The following AGAP1 variants were observed in gnomAD, a reference collection of about 807,000 sequenced individuals.
The protein encoded by AGAP1 is arf-GAP with GTPase, ANK repeat and PH domain-containing protein 1.
In AGAP1, 29 loss-of-function variants were observed where a neutral mutation model predicts 105.3. The ratio of observed to expected loss-of-function variants is 0.28; its 90% CI spans 0.21 to 0.38. AGAP1 has a LOEUF of 0.38. AGAP1 is among the 10% of genes least tolerant of loss of function. AGAP1 has a pLI of 1.00. For synonymous variants in AGAP1, 509 were observed against 485.9 expected (o/e 1.05, Z -0.63); for missense variants, 998 against 1,165.1 (o/e 0.86, Z 2.09).
Position 236,095,168 on chromosome 2 carries a change from G to A in AGAP1, c.2115-25024G>A, listed in dbSNP as rs1033233799. Among the ~76,000 whole-genome samples the A allele has an allele frequency of 7.3e-5, 11 of 151,534 alleles. No individual in the cohort carries two copies. Among genetic ancestry groups the A allele is most frequent in the African/African-American group, 7.3e-5 (3 of 41,230 alleles). On this transcript the variant is annotated intron_variant, in intron 16 of 17. Transcript: ENST00000304032. The surrounding 1 kb of genome is among the most constrained non-coding windows in gnomAD (Gnocchi z 4.1). ...TTCCAACACTTCGGGAGGCCAAGGCGGGTGGATTGCTTGAGCTCAGGAGTT... is the reference window on the plus strand; with the variant it reads ...TTCCAACACTTCGGGAGGCCAAGGCAGGTGGATTGCTTGAGCTCAGGAGTT...
At position 235,752,746 on chromosome 2, in the gene AGAP1, A is replaced by C. The variant is rs1230186181; in HGVS notation, c.673+2258A>C. On this transcript the variant is annotated intron_variant, in intron 6 of 17. Transcript: ENST00000304032. The surrounding 1 kb of genome is among the most constrained non-coding windows in gnomAD (Gnocchi z 4.3). ...ACATACATGAGTTTTCCATAAATTG[A>C]TGAGTGCTTCTTATAAAAATAATGT... Among the ~76,000 whole-genome samples, 1 of 152,176 alleles carries C rather than the reference A, an allele frequency of 6.6e-6. No homozygotes were observed. Among genetic ancestry groups the C allele is most frequent in the Non-Finnish European group, 1.5e-5 (1 of 68,042 alleles).
chr2:236,126,428 T>C lies in AGAP1; in HGVS notation c.*2306T>C, dbSNP rs948727554. On this transcript the variant is annotated 3_prime_UTR_variant, in exon 18 of 18. Transcript: ENST00000304032. ...TTATTTCATTGTAGTTAATTCCCAC[T>C]ATAGGAATGCTTTATCATAGTGAAG... 6.6e-6 allele frequency: 1 copy of C among 152,218 alleles called. No individual in the cohort carries two copies. The highest frequency in any genetic ancestry group is 2.4e-5 in the African/African-American group (1 of 41,462). 9.4% of individuals were successfully genotyped at this position (152,218 alleles called of 1,614,324 possible). A position where few individuals can be genotyped will look rare whatever the true frequency, so the allele number is the denominator to read the frequency against.
rs866345698 is a variant in AGAP1, at chr2:235,846,180, C to T, written c.1051-37165C>T. Among the ~76,000 whole-genome samples, 28 of 152,196 alleles carry T rather than the reference C, an allele frequency of 1.8e-4. No individual in the cohort carries two copies. In the South Asian group the frequency reaches 2.3e-3, roughly 12 times the overall value. ...TCATTTACTGGACTGTTGGAAATTT[C>T]GATCTAGGACTCAGAAGTTACAGAA... On this transcript the variant is annotated intron_variant, in intron 9 of 17. Transcript: ENST00000304032.
intron 1 of AGAP1, among the ~76,000 whole-genome samples, chr2:235,513,215 G>A (rs1942224086): frequency 1.3e-5 from 2 of 152,122 alleles, no homozygotes; most frequent in Admixed American, 6.5e-5. Context: ...TTAACTGAGG[G>A]TGGGTTAAAA....
chr2:235,665,855 C>A lies in AGAP1; in HGVS notation c.164-43324C>A, dbSNP rs954792140. Reference sequence around the variant, plus strand: ...CAGGTTCTGTTATTTGGAAAGCCAGCCTGTGTAGCAGATGGCTCTGCTGAC... The same window carrying A: ...CAGGTTCTGTTATTTGGAAAGCCAGACTGTGTAGCAGATGGCTCTGCTGAC... On this transcript the variant is annotated intron_variant, in intron 1 of 17. Transcript: ENST00000304032. This position sits in a 1 kb window ranked among gnomAD's most constrained non-coding sequence, Gnocchi z 5.3. 1.3e-5 allele frequency among the ~76,000 whole-genome samples: 2 copies of A among 152,178 alleles called. No homozygotes were observed. Among genetic ancestry groups the A allele is most frequent in the African/African-American group, 2.4e-5 (1 of 41,436 alleles).
chr2:235,494,279 G>C lies in AGAP1; in HGVS notation c.-408G>C, dbSNP rs1399515295. On this transcript the variant is annotated 5_prime_UTR_variant, in exon 1 of 18. Transcript: ENST00000304032. ...TGCCCAGGGGTCGGCCCTCGGCCCC[G>C]GCGCTCGGAGCGCGGCGGCTGCCTG... is the stretch of plus-strand genomic sequence containing the variant. 6.9e-6 allele frequency: 1 copy of C among 145,438 alleles called. No individual in the cohort carries two copies. The highest frequency in any genetic ancestry group is 1.5e-5 in the Non-Finnish European group (1 of 65,556). The allele number at this position is 145,438 out of a possible 1,614,324, so 9.0% of individuals were successfully genotyped here.
rs1032502198 is a variant in AGAP1 at position 235,893,577 on chromosome 2, G to A, written c.1155+10128G>A. Among the ~76,000 whole-genome samples, 7 of 152,160 alleles carry A rather than the reference G, an allele frequency of 4.6e-5. No homozygotes were observed. Among genetic ancestry groups the A allele is most frequent in the Admixed American group, 6.5e-5 (1 of 15,284 alleles). Reference sequence around the variant, plus strand: ...GCCGTGTCCATCATGAGGGTGCGCCGTGTCCGTCATGCAGATGTGCCTTCA... The same window carrying A: ...GCCGTGTCCATCATGAGGGTGCGCCATGTCCGTCATGCAGATGTGCCTTCA... On this transcript the variant is annotated intron_variant, in intron 10 of 17. Transcript: ENST00000304032. The surrounding 1 kb of genome is among the most constrained non-coding windows in gnomAD (Gnocchi z 4.7).
chr2:235,648,927 G>C (rs1453857339), intron 1 of AGAP1, among the ~76,000 whole-genome samples: 1 of 151,674 alleles, frequency 6.6e-6, no homozygotes, highest in Non-Finnish European at 1.5e-5. Context: ...CAGTTCGCAG[G>C]ACTTCGGAAG....
At chr2:235,627,856 A>G (rs1230068595) in intron 1 of AGAP1, among the ~76,000 whole-genome samples, 1 of 152,164 alleles carries the variant, frequency 6.6e-6, no homozygotes, top group Non-Finnish European at 1.5e-5. Context: ...CCAAACAGAG[A>G]TGGGACAAGG....
intron 8 of AGAP1, among the ~76,000 whole-genome samples, chr2:235,800,377 A>G (rs1035255550): frequency 6.6e-6 from 1 of 151,926 alleles, no homozygotes; most frequent in African/African-American, 2.4e-5. Flanking sequence ...CTGGGATTAC[A>G]GGCATGAGCC....
intron 9 of AGAP1, among the ~76,000 whole-genome samples, chr2:235,848,715 G>A (rs566637439): frequency 1.2e-4 from 19 of 152,218 alleles, no homozygotes; most frequent in South Asian, 1.0e-3. Flanking sequence ...GATTTTCCTC[G>A]TCCTTTTAAC....
At chr2:235,731,359 A>G (rs962109235) in intron 3 of AGAP1, among the ~76,000 whole-genome samples, 3 of 152,210 alleles carry the variant, frequency 2.0e-5, no homozygotes, top group African/African-American at 7.2e-5. Flanking sequence ...TTGGATAAAC[A>G]TGGACTCCTT....
Position 235,569,563 on chromosome 2 carries a change from G to A in AGAP1, c.163+74714G>A, listed in dbSNP as rs956877228. Among the ~76,000 whole-genome samples, 3 of 152,220 alleles carry A rather than the reference G, an allele frequency of 2.0e-5. No individual in the cohort carries two copies. The highest frequency in any genetic ancestry group is 4.8e-5 in the African/African-American group (2 of 41,458). ...GCCCCGAATTCTGCCCTCTGCCCAT[G>A]TGAGCATGGTCTGTGAGCAAACCTT... On this transcript the variant is annotated intron_variant, in intron 1 of 17. Coordinates refer to ENST00000304032, the MANE Select transcript of AGAP1 (RefSeq NM_001037131.3). This position sits in a 1 kb window ranked among gnomAD's most constrained non-coding sequence, Gnocchi z 5.9.
chr2:236,125,948 C>T lies in AGAP1; in HGVS notation c.*1826C>T, dbSNP rs932518798. 2.0e-5 allele frequency: 3 copies of T among 151,862 alleles called. No homozygotes were observed. Among genetic ancestry groups the T allele is most frequent in the African/African-American group, 7.3e-5 (3 of 41,176 alleles). 9.4% of individuals were successfully genotyped at this position (151,862 alleles called of 1,614,324 possible). A position where few individuals can be genotyped will look rare whatever the true frequency, so the allele number is the denominator to read the frequency against. On this transcript the variant is annotated 3_prime_UTR_variant, in exon 18 of 18. Coordinates refer to ENST00000304032, the MANE Select transcript of AGAP1 (RefSeq NM_001037131.3). This position sits in a 1 kb window ranked among gnomAD's most constrained non-coding sequence, Gnocchi z 5.2. ...CATGTAGCACAGAAACATGAAGCCACACGCACCGGCAGCCTCCGGGGTGTT... is the reference window on the plus strand; with the variant it reads ...CATGTAGCACAGAAACATGAAGCCATACGCACCGGCAGCCTCCGGGGTGTT...
intron 8 of AGAP1, among the ~76,000 whole-genome samples, chr2:235,807,020 T>C (rs1211914295): frequency 6.6e-6 from 1 of 152,194 alleles, no homozygotes; most frequent in Non-Finnish European, 1.5e-5. Context: ...AATTCTGTGG[T>C]GGAAAAGTCA....
chr2:235,589,200 T>G (rs974633773), intron 1 of AGAP1, among the ~76,000 whole-genome samples: 13 of 102,974 alleles, frequency 1.3e-4, no homozygotes, highest in South Asian at 7.8e-4. Context: ...TTTTGTTTTT[T>G]TTTTTTTTTT....
chr2:235,977,794 A>C lies in AGAP1; in HGVS notation c.1645+9171A>C, dbSNP rs1575950003. On this transcript the variant is annotated intron_variant, in intron 13 of 17. Coordinates refer to ENST00000304032, the MANE Select transcript of AGAP1 (RefSeq NM_001037131.3). This position sits in a 1 kb window ranked among gnomAD's most constrained non-coding sequence, Gnocchi z 5.2. ...TAATGCAAAACTTAGTCTGTGTGGA[A>C]GCAACTTGGCAAATGGGGAGGATGA... Among the ~76,000 whole-genome samples, 1 of 152,324 alleles carries C rather than the reference A, an allele frequency of 6.6e-6. No individual in the cohort carries two copies. Among genetic ancestry groups the C allele is most frequent in the South Asian group, 2.1e-4 (1 of 4,826 alleles).
At chr2:235,580,847 C>G (rs1247648576) in intron 1 of AGAP1, among the ~76,000 whole-genome samples, 4 of 152,128 alleles carry the variant, frequency 2.6e-5, no homozygotes, top group Non-Finnish European at 5.9e-5. Context: ...AGGTGATCAT[C>G]CTGTCTCTGA....
chr2:235,548,077 C>A (rs1221102463), intron 1 of AGAP1, among the ~76,000 whole-genome samples: 1 of 152,188 alleles, frequency 6.6e-6, no homozygotes, highest in South Asian at 2.1e-4. Context: ...GCCCCAGGGT[C>A]GTGAGAAATA....
Sources: allele counts gnomAD v4.1 joint callset (sites outside exome capture counted in the v4.1 genomes callset), GRCh38; gene constraint gnomAD v4.1.1; non-coding constraint Gnocchi (gnomAD v3.1); transcripts MANE v1.5; gene names NCBI Gene and HGNC (gene_info 2026-07-23, HGNC 2026-07-21).